The following FAM20C variants were observed in gnomAD, a reference collection of about 807,000 sequenced individuals.
FAM20C encodes FAM20C golgi associated secretory pathway kinase.
FAM20C carries 40 observed loss-of-function variants against 51.5 expected under a neutral mutation model. That is an observed-to-expected ratio of 0.78 (90% CI 0.60 to 1.01). The LOEUF is 1.01. FAM20C is among the 50% of genes least tolerant of loss of function. The probability of loss-of-function intolerance (pLI) is 0.00; values close to 1 mark genes in which losing one functional copy is unlikely to be tolerated. For synonymous variants in FAM20C, 406 were observed against 380.6 expected (o/e 1.07, Z -0.78); for missense variants, 861 against 844.7 (o/e 1.02, Z -0.24).
At chr7:246,598 T>TCATCGTCAC (rs1179165037) in intron 4 of FAM20C, 91 bp downstream of exon 4, 1 of 573,936 alleles carries the variant, frequency 1.7e-6, no homozygotes, top group Non-Finnish European at 2.3e-6. Context: ...CAGCAGGACG[T>TCATCGTCAC]CATCGTCACC....
intron 3 of FAM20C, among the ~76,000 whole-genome samples, chr7:210,310 G>C (rs1205509953): frequency 6.6e-6 from 1 of 152,164 alleles, no homozygotes; most frequent in African/African-American, 2.4e-5. Flanking sequence ...CGTGGCCTCT[G>C]CCCCGGTTGA....
At chr7:222,702 G>A (rs945300405) in intron 3 of FAM20C, among the ~76,000 whole-genome samples, 15 of 152,226 alleles carry the variant, frequency 9.9e-5, no homozygotes, top group African/African-American at 1.9e-4. Flanking sequence ...AGGCAGCACC[G>A]TGGCAGGCAG....
intron 2 of FAM20C, among the ~76,000 whole-genome samples, chr7:204,401 C>T (rs923804191): frequency 2.6e-5 from 4 of 152,364 alleles, no homozygotes; most frequent in South Asian, 4.1e-4. Context: ...GACCTGACTG[C>T]GCAGTGGTCC....
chr7:192,683 C>T lies in FAM20C; in HGVS notation c.-517C>T, dbSNP rs1465279574. ...CCGCCCTTCGCCCCCCCCTTCCCCC[C>T]AGCCCCGGTCTCCCGGGCGCGGCGT... On this transcript the variant is annotated 5_prime_UTR_variant, in exon 1 of 10. Coordinates refer to ENST00000313766, the MANE Select transcript of FAM20C (RefSeq NM_020223.4). Among the ~76,000 whole-genome samples, 36 of 149,676 alleles carry T rather than the reference C, an allele frequency of 2.4e-4. No homozygotes were observed. Among genetic ancestry groups the T allele is most frequent in the African/African-American group, 8.0e-4 (33 of 41,264 alleles).
At chr7:244,678 C>G (rs988613543) in intron 3 of FAM20C, among the ~76,000 whole-genome samples, 1 of 152,192 alleles carries the variant, frequency 6.6e-6, no homozygotes, top group Non-Finnish European at 1.5e-5. Context: ...GGCCACAGAC[C>G]CAGTGGGGTT....
rs1562401519 is a variant in FAM20C at position 258,157 on chromosome 7, TAG to T, written c.1446-488_1446-487del. Among the ~76,000 whole-genome samples, 533 of 86,420 alleles carry T rather than the reference TAG, an allele frequency of 6.2e-3. 43 individuals carry two copies. The highest frequency in any genetic ancestry group is 0.027 in the African/African-American group (465 of 17,170). The allele number at this position is 86,420 out of a possible 152,430, so 56.7% of individuals were successfully genotyped here. Reference sequence around the variant, plus strand: ...GACCCACTGACTGGGGTGCTGGAGATAGGCAGGGTGGACCCACTGCCTGAGGT... The same window carrying T: ...GACCCACTGACTGGGGTGCTGGAGATGCAGGGTGGACCCACTGCCTGAGGT... On this transcript the variant is annotated intron_variant, in intron 8 of 9. Coordinates refer to ENST00000313766, the MANE Select transcript of FAM20C (RefSeq NM_020223.4).
rs1037907069 is a variant in FAM20C, at chr7:233,064, G to A, written c.864-13351G>A. 3.4e-4 allele frequency among the ~76,000 whole-genome samples: 52 copies of A among 152,336 alleles called. 1 individual carries two copies. Among genetic ancestry groups the A allele is most frequent in the African/African-American group, 1.2e-3 (49 of 41,564 alleles). On this transcript the variant is annotated intron_variant, in intron 3 of 9. Coordinates refer to ENST00000313766, the MANE Select transcript of FAM20C (RefSeq NM_020223.4). ...GGCCTGAGTCAGACTCCTGGTTCCC[G>A]TCCAAGCTGTGCCATGTTCTGGCCG... is the stretch of plus-strand genomic sequence containing the variant.
At chr7:202,023 C>T (rs1296016714) in intron 2 of FAM20C, among the ~76,000 whole-genome samples, 15 of 152,152 alleles carry the variant, frequency 9.9e-5, no homozygotes, top group Admixed American at 9.2e-4. Context: ...GATATCCGGG[C>T]GATAGGATTC....
intron 2 of FAM20C, among the ~76,000 whole-genome samples, chr7:204,863 A>G (rs1008408100): frequency 1.3e-5 from 2 of 151,268 alleles, no homozygotes; most frequent in African/African-American, 4.9e-5. Flanking sequence ...GGGAAGTGGC[A>G]CCTGTGTGGC....
chr7:219,247 G>A (rs1038451698), intron 3 of FAM20C, among the ~76,000 whole-genome samples: 3 of 152,166 alleles, frequency 2.0e-5, no homozygotes, highest in Non-Finnish European at 4.4e-5. Context: ...GTGGAGAATG[G>A]GGGGAGGGGC....
intron 3 of FAM20C, among the ~76,000 whole-genome samples, chr7:222,705 G>A (rs1221128012): frequency 6.6e-6 from 1 of 152,222 alleles, no homozygotes; most frequent in Non-Finnish European, 1.5e-5. Flanking sequence ...CAGCACCGTG[G>A]CAGGCAGAGT....
chr7:198,023 C>T (rs1223591081), intron 2 of FAM20C, among the ~76,000 whole-genome samples: 1 of 152,230 alleles, frequency 6.6e-6, no homozygotes, highest in Admixed American at 6.5e-5. Flanking sequence ...GGTGTGGCCT[C>T]CGCCTGGGTG....
At chr7:195,327 GGTGA>G (rs1008517772) in intron 1 of FAM20C, 22 of 441,320 alleles carry the variant, frequency 5.0e-5, no homozygotes, top group Non-Finnish European at 7.5e-5. Context: ...GTCTCCAGAG[GGTGA>G]GTAAGAATTA....
At chr7:250,707 C>T (rs1198045496) in intron 5 of FAM20C, among the ~76,000 whole-genome samples, 1 of 152,262 alleles carries the variant, frequency 6.6e-6, no homozygotes, top group Non-Finnish European at 1.5e-5. Context: ...CCCCACCGTC[C>T]ACAGGACTGA....
At chr7:233,737 C>T (rs1224086343) in intron 3 of FAM20C, among the ~76,000 whole-genome samples, 1 of 152,216 alleles carries the variant, frequency 6.6e-6, no homozygotes, top group Non-Finnish European at 1.5e-5. Context: ...TGCCTCCCGC[C>T]ACGCGAGGCA....
At chr7:212,857 G>A (rs995049544) in intron 3 of FAM20C, among the ~76,000 whole-genome samples, 1 of 152,152 alleles carries the variant, frequency 6.6e-6, no homozygotes. Flanking sequence ...TGTGCAGCTT[G>A]GGGGCTTTCG....
intron 2 of FAM20C, among the ~76,000 whole-genome samples, chr7:208,185 CGGG>C (rs1204946646): frequency 7.0e-6 from 1 of 142,098 alleles, no homozygotes; most frequent in Non-Finnish European, 1.6e-5. Context: ...AGGGGTGTGT[CGGG>C]GGGTGTCTGT....
At chr7:254,756 C>G (rs541045467) in intron 5 of FAM20C, among the ~76,000 whole-genome samples, 2 of 152,156 alleles carry the variant, frequency 1.3e-5, no homozygotes, top group Non-Finnish European at 2.9e-5. Flanking sequence ...AGGCGGTCAC[C>G]GTTCCTCACC....
chr7:214,195 C>T (rs1414467933), intron 3 of FAM20C, among the ~76,000 whole-genome samples: 2 of 152,138 alleles, frequency 1.3e-5, no homozygotes, highest in Admixed American at 6.5e-5. Context: ...CGTGGTGATG[C>T]ATGCCTGTAA....
Sources: gnomAD v4.1 joint callset for allele counts (sites outside exome capture counted in the v4.1 genomes callset) on GRCh38, gnomAD v4.1.1 for gene constraint, MANE v1.5 for transcripts, NCBI Gene and HGNC (gene_info 2026-07-23, HGNC 2026-07-21) for gene names.